Variants in NAV1 observed in about 807,000 individuals in gnomAD.
NAV1 encodes pore membrane and/or filament interacting like protein 3.
NAV1 carries 18 observed loss-of-function variants against 175.2 expected under a neutral mutation model. The observed-to-expected ratio is 0.10, with a 90% CI of 0.07 to 0.15. The LOEUF (loss-of-function observed/expected upper bound fraction) is 0.15, where lower values mean the gene tolerates loss of function less well. Among genes scored for constraint, NAV1 ranks in the 10% least tolerant of loss-of-function variants. NAV1 has a pLI of 1.00. For synonymous variants in NAV1, 897 were observed against 978.7 expected (o/e 0.92, Z 1.56); for missense variants, 1,731 against 2,436.6 (o/e 0.71, Z 6.10).
chr1:201,823,146 C>T (rs1679483694), exon 30 of NAV1: 1 of 152,710 alleles, frequency 6.5e-6, no homozygotes, highest in Non-Finnish European at 1.5e-5. Context: ...AACTCCATCC[C>T]TCACCACAGT....
chr1:201,710,737 C>G (rs686696), intron 1 of NAV1, among the ~76,000 whole-genome samples: 1 of 152,070 alleles, frequency 6.6e-6, no homozygotes, highest in Non-Finnish European at 1.5e-5. Context: ...TTTACTTGTT[C>G]TCTCTGAGTG....
chr1:201,758,520 A>G (rs1674648948), intron 3 of NAV1, among the ~76,000 whole-genome samples: 1 of 152,218 alleles, frequency 6.6e-6, no homozygotes, highest in Non-Finnish European at 1.5e-5. Context: ...TTTGAGGTCT[A>G]GGAACTAACC....
chr1:201,569,041 A>C (rs1479913854), intron 1 of NAV1, among the ~76,000 whole-genome samples: 2 of 152,108 alleles, frequency 1.3e-5, no homozygotes, highest in Non-Finnish European at 2.9e-5. Context: ...TTAGCAGGAC[A>C]CCCAGGGAGA....
chr1:201,558,753 G>A (rs1666111218), intron 1 of NAV1, among the ~76,000 whole-genome samples: 1 of 151,934 alleles, frequency 6.6e-6, no homozygotes, highest in Non-Finnish European at 1.5e-5. Flanking sequence ...CCCGGCACAG[G>A]TGTGGTGTTT....
chr1:201,732,539 AG>A (rs1223902707), intron 3 of NAV1, among the ~76,000 whole-genome samples: 1 of 152,088 alleles, frequency 6.6e-6, no homozygotes, highest in Admixed American at 6.5e-5. Flanking sequence ...TGGGAAGTAG[AG>A]TAGCAAAGTA....
At chr1:201,729,092 C>A (rs1445185664) in intron 3 of NAV1, among the ~76,000 whole-genome samples, 4 of 152,210 alleles carry the variant, frequency 2.6e-5, no homozygotes, top group Non-Finnish European at 4.4e-5. Flanking sequence ...CTCTGCCCAC[C>A]TGTCTACCTG....
At chr1:201,648,144 C>G, upstream of NAV1, 12 of 678,180 alleles carry the variant, frequency 1.8e-5, no homozygotes, top group Non-Finnish European at 2.2e-5. Context: ...TGCTCCCCGC[C>G]TTCCCCTTCC....
chr1:201,779,760 C>A (rs1650395635), intron 3 of NAV1, among the ~76,000 whole-genome samples: 2 of 152,050 alleles, frequency 1.3e-5, no homozygotes, highest in Admixed American at 1.3e-4. Flanking sequence ...CTCCCTAATA[C>A]CACAGACCTG....
chr1:201,578,528 C>T (rs1355802706), intron 1 of NAV1, among the ~76,000 whole-genome samples: 1 of 152,122 alleles, frequency 6.6e-6, no homozygotes, highest in African/African-American at 2.4e-5. Context: ...CTTATTACTG[C>T]TAGGTGGGGG....
At position 201,788,671 on chromosome 1, in the gene NAV1, T is replaced by C; in HGVS notation, c.3166+33T>C. On this transcript the variant is annotated intron_variant, in intron 10 of 29. Transcript: ENST00000367296. The surrounding 1 kb of genome is among the most constrained non-coding windows in gnomAD (Gnocchi z 5.7). ...TTCATGCTAGCGCGGTTCACGCTCA[T>C]TCCAGCTCTGCTGGGTCCCCTCACC... 1 of 1,572,282 alleles carries C rather than the reference T, an allele frequency of 6.4e-7. No individual in the cohort carries two copies. Among genetic ancestry groups the C allele is most frequent in the Non-Finnish European group, 8.7e-7 (1 of 1,155,662 alleles).
chr1:201,636,724 G>A (rs1668628443), intron 2 of NAV1, among the ~76,000 whole-genome samples: 1 of 152,114 alleles, frequency 6.6e-6, no homozygotes, highest in South Asian at 2.1e-4. Flanking sequence ...GAATGACTGA[G>A]GTCAGATAAA....
At chr1:201,648,645 G>A in exon 1 of NAV1, 1 of 1,345,448 alleles carries the variant, frequency 7.4e-7, no homozygotes, top group Non-Finnish European at 9.5e-7. Context: ...CGCGCGGATC[G>A]TCCATGCGCT....
At chr1:201,726,477 C>T (rs542871482) in intron 3 of NAV1, among the ~76,000 whole-genome samples, 2 of 151,786 alleles carry the variant, frequency 1.3e-5, no homozygotes, top group Admixed American at 1.3e-4. Flanking sequence ...TGATGAAACC[C>T]CATCTCTACT....
chr1:201,626,407 G>A (rs1405086300), intron 1 of NAV1, among the ~76,000 whole-genome samples: 1 of 152,162 alleles, frequency 6.6e-6, no homozygotes, highest in Admixed American at 6.5e-5. Context: ...TCCAGGGAAT[G>A]AATCTTGCAG....
At chr1:201,563,317 C>T (rs1177282413) in intron 1 of NAV1, among the ~76,000 whole-genome samples, 1 of 152,072 alleles carries the variant, frequency 6.6e-6, no homozygotes, top group East Asian at 1.9e-4. Flanking sequence ...GGGGCGTTAA[C>T]TCGTCCCACA....
chr1:201,672,866 C>T (rs568976925), intron 1 of NAV1, among the ~76,000 whole-genome samples: 1 of 152,338 alleles, frequency 6.6e-6, no homozygotes, highest in East Asian at 1.9e-4. Context: ...TACCGCCCAA[C>T]AGACGCTCAA....
At chr1:201,567,346 G>T in intron 1 of NAV1, among the ~76,000 whole-genome samples, 1 of 152,234 alleles carries the variant, frequency 6.6e-6, no homozygotes, top group Non-Finnish European at 1.5e-5. Flanking sequence ...GGCCAGAGGG[G>T]CCTTGTCCTG....
intron 3 of NAV1, among the ~76,000 whole-genome samples, chr1:201,730,041 G>C (rs1672783248): frequency 6.6e-6 from 1 of 152,118 alleles, no homozygotes; most frequent in Admixed American, 6.5e-5. Flanking sequence ...ATTCCGCCTG[G>C]GTGGTGATGT....
chr1:201,558,207 G>A (rs1474124626), intron 1 of NAV1, among the ~76,000 whole-genome samples: 1 of 152,190 alleles, frequency 6.6e-6, no homozygotes, highest in Non-Finnish European at 1.5e-5. Flanking sequence ...TAAGCTCATG[G>A]GAATCACAGG....
Sources: allele counts gnomAD v4.1 joint callset (sites outside exome capture counted in the v4.1 genomes callset), GRCh38; gene constraint gnomAD v4.1.1; non-coding constraint Gnocchi (gnomAD v3.1); transcripts MANE v1.5; gene names NCBI Gene and HGNC (gene_info 2026-07-23, HGNC 2026-07-21).